The following CADPS variants were observed in gnomAD, a reference collection of about 807,000 sequenced individuals.
CADPS encodes the protein calcium dependent secretion activator.
Under a neutral mutation model 167.3 loss-of-function variants are expected in CADPS, and 57 were observed. The observed-to-expected ratio is 0.34, with a 90% CI of 0.28 to 0.42. The LOEUF (loss-of-function observed/expected upper bound fraction) is 0.42, where lower values mean the gene tolerates loss of function less well. Ranked by LOEUF, CADPS falls within the 20% of genes least tolerant of loss-of-function variation. CADPS has a pLI of 1.00. For missense variants in CADPS, 1,414 were observed against 1,738.1 expected (o/e 0.81, Z 3.32); for synonymous variants, 676 against 635.3 (o/e 1.06, Z -0.96).
At chr3:62,668,417 C>T (rs1291462293) in intron 3 of CADPS, among the ~76,000 whole-genome samples, 3 of 152,144 alleles carry the variant, frequency 2.0e-5, no homozygotes, top group South Asian at 2.1e-4. Context: ...ATACTTCACT[C>T]AGGCTTTTGG....
intron 1 of CADPS, among the ~76,000 whole-genome samples, chr3:62,825,765 G>C (rs62242382): frequency 0.05 from 7,560 of 152,184 alleles, 273 homozygotes; most frequent in Middle Eastern, 0.082. Flanking sequence ...GCTCTTCATA[G>C]CCTTGTCCGA....
intron 26 of CADPS, among the ~76,000 whole-genome samples, chr3:62,463,887 T>G (rs1031179197): frequency 2.6e-5 from 4 of 152,184 alleles, no homozygotes; most frequent in African/African-American, 9.7e-5. Context: ...TCCTCGTACC[T>G]GGGAAGGTCA....
chr3:62,789,155 T>C (rs1210115648), intron 1 of CADPS, among the ~76,000 whole-genome samples: 1 of 152,208 alleles, frequency 6.6e-6, no homozygotes, highest in Non-Finnish European at 1.5e-5. Flanking sequence ...TCACTGGTGT[T>C]TATGAAGTTC....
chr3:62,777,416 G>T (rs866764915), intron 1 of CADPS, among the ~76,000 whole-genome samples: 1 of 152,156 alleles, frequency 6.6e-6, no homozygotes, highest in Non-Finnish European at 1.5e-5. Flanking sequence ...GACCTTGGCT[G>T]GTTGTTCTAA....
chr3:62,516,716 C>T (rs1365160632), intron 14 of CADPS, 73 bp from the exon 15 acceptor site: 111 of 1,032,960 alleles, frequency 1.1e-4, no homozygotes, highest in Non-Finnish European at 6.6e-5. Flanking sequence ...AATTTGATTC[C>T]TATAGCAACT....
chr3:62,633,957 A>G (rs765478224), intron 6 of CADPS, among the ~76,000 whole-genome samples: 25 of 152,214 alleles, frequency 1.6e-4, no homozygotes, highest in Non-Finnish European at 3.1e-4. Context: ...TGCTGCCTCT[A>G]TACAACACAC....
chr3:62,628,625 CT>C (rs35812851), intron 6 of CADPS, among the ~76,000 whole-genome samples: 3 of 145,448 alleles, frequency 2.1e-5, no homozygotes, highest in African/African-American at 5.1e-5. Flanking sequence ...AACCATGAGC[CT>C]TTTTTTTTTC....
intron 1 of CADPS, among the ~76,000 whole-genome samples, chr3:62,846,610 T>C (rs2077476987): frequency 6.6e-6 from 1 of 152,224 alleles, no homozygotes; most frequent in South Asian, 2.1e-4. Flanking sequence ...TTTTCTGTCA[T>C]TCTCCAAAAG....
At chr3:62,675,838 T>C (rs17356252) in intron 3 of CADPS, among the ~76,000 whole-genome samples, 32,050 of 152,074 alleles carry the variant, frequency 0.21, 3,612 homozygotes, top group Admixed American at 0.28. Context: ...GTAGTTCACC[T>C]GCTTATGTTG....
At chr3:62,614,901 C>T (rs560957799) in intron 6 of CADPS, among the ~76,000 whole-genome samples, 2 of 152,204 alleles carry the variant, frequency 1.3e-5, no homozygotes, top group Non-Finnish European at 1.5e-5. Context: ...TAAATGGGAA[C>T]ATAACATATG....
intron 26 of CADPS, among the ~76,000 whole-genome samples, chr3:62,463,137 C>A (rs541696884): frequency 6.6e-6 from 1 of 152,290 alleles, no homozygotes; most frequent in African/African-American, 2.4e-5. Context: ...AGTTTGAACA[C>A]TTCTGCATAG....
chr3:62,874,819 T>C lies in CADPS; in HGVS notation c.211A>G (p.Ser71Gly). 2 of 1,072,634 alleles carry C rather than the reference T, an allele frequency of 1.9e-6. No homozygotes were observed. Among genetic ancestry groups the C allele is most frequent in the Non-Finnish European group, 2.3e-6 (2 of 872,864 alleles). The allele number at this position is 1,072,634 out of a possible 1,614,324, so 66.4% of individuals were successfully genotyped here. A position where few individuals can be genotyped will look rare whatever the true frequency, so the allele number is the denominator to read the frequency against. The change falls in exon 1 of 30, where the codon AGC (serine) becomes GGC (glycine). Residue 71 changes from serine to glycine, a missense_variant. By Grantham distance (56) the Ser-to-Gly change is moderately conservative. Coordinates refer to ENST00000383710, the MANE Select transcript of CADPS (RefSeq NM_003716.4). The surrounding 1 kb of genome is among the most constrained non-coding windows in gnomAD (Gnocchi z 7.1). ...TGCAGCCCCCCGGCCCCGCCGCCGC[T>C]GCTCGCGCCGCTGCCCCCGCCGCCG... Reference protein sequence around the residue: ...AGGGGGSGASSGGGAGGLQPS... With the variant: ...AGGGGGSGASGGGGAGGLQPS...
intron 1 of CADPS, among the ~76,000 whole-genome samples, chr3:62,811,269 A>C (rs1576726645): frequency 1.3e-5 from 2 of 150,364 alleles, no homozygotes; most frequent in African/African-American, 2.4e-5. Flanking sequence ...TATTCCACCC[A>C]CTCCTCCTAC....
intron 28 of CADPS, among the ~76,000 whole-genome samples, chr3:62,417,347 C>T (rs1303566904): frequency 8.3e-6 from 1 of 120,554 alleles, no homozygotes; most frequent in Non-Finnish European, 1.6e-5. Flanking sequence ...TGCAGTGGTG[C>T]AATCTCGGCT....
At chr3:62,511,681 T>C (rs906130785) in intron 17 of CADPS, among the ~76,000 whole-genome samples, 1 of 152,092 alleles carries the variant, frequency 6.6e-6, no homozygotes, top group African/African-American at 2.4e-5. Flanking sequence ...ATCCTTACCA[T>C]CTCGTGAAGA....
intron 6 of CADPS, among the ~76,000 whole-genome samples, chr3:62,619,933 C>T (rs2062905403): frequency 1.3e-5 from 2 of 152,080 alleles, no homozygotes; most frequent in Non-Finnish European, 2.9e-5. Flanking sequence ...GGACACATCT[C>T]TTGGTTTGAG....
intron 21 of CADPS, among the ~76,000 whole-genome samples, chr3:62,488,469 A>G (rs2063167246): frequency 6.6e-6 from 1 of 150,404 alleles, no homozygotes; most frequent in Non-Finnish European, 1.5e-5. Context: ...CACTGTTTTT[A>G]TTATTTATTT....
chr3:62,777,368 C>T (rs577602187), intron 1 of CADPS, among the ~76,000 whole-genome samples: 2 of 152,158 alleles, frequency 1.3e-5, no homozygotes, highest in African/African-American at 2.4e-5. Flanking sequence ...GATTGGCAGT[C>T]GCTTTTCAGG....
At chr3:62,816,905 C>T (rs993961458) in intron 1 of CADPS, among the ~76,000 whole-genome samples, 4 of 152,058 alleles carry the variant, frequency 2.6e-5, no homozygotes, top group Non-Finnish European at 4.4e-5. Flanking sequence ...CCAGGTTTTC[C>T]TCCTCCTCCT....
Sources: gnomAD v4.1 joint callset for allele counts (sites outside exome capture counted in the v4.1 genomes callset) on GRCh38, gnomAD v4.1.1 for gene constraint, Gnocchi (gnomAD v3.1) non-coding constraint, MANE v1.5 for transcripts, NCBI Gene and HGNC (gene_info 2026-07-23, HGNC 2026-07-21) for gene names.